Variants in PARP12 observed in about 807,000 individuals in gnomAD.
PARP12 encodes poly(ADP-ribose) polymerase family member 12, also known as protein mono-ADP-ribosyltransferase PARP12.
In PARP12, 59 loss-of-function variants were observed where a neutral mutation model predicts 72.4. That is an observed-to-expected ratio of 0.81 (90% confidence interval 0.66 to 1.01). The LOEUF is 1.01. PARP12 is among the 50% of genes least tolerant of loss of function. The pLI is 0.00. For synonymous variants in PARP12, 403 were observed against 371.4 expected (o/e 1.09, Z -0.98); for missense variants, 851 against 914.0 (o/e 0.93, Z 0.89).
intron 5 of PARP12, among the ~76,000 whole-genome samples, chr7:140,042,690 A>C (rs549629863): frequency 4.6e-5 from 7 of 152,362 alleles, no homozygotes; most frequent in Admixed American, 4.6e-4. Context: ...TTGCAAAGAC[A>C]TCTGGCAAGG....
chr7:140,035,842 G>GGAGGAGGGGGAA (rs1816128232), intron 7 of PARP12, among the ~76,000 whole-genome samples: 1 of 86,986 alleles, frequency 1.1e-5, no homozygotes, highest in African/African-American at 6.7e-5. Flanking sequence ...AAAAGAAGGA[G>GGAGGAGGGGGAA]GAGGAAGAGG....
chr7:140,062,482 A>G (rs6945590), intron 1 of PARP12, 40 bp downstream of exon 1: 1,135,122 of 1,501,206 alleles, frequency 0.76, 434,310 homozygotes, highest in Middle Eastern at 0.8. Flanking sequence ...GAGGGCGCGC[A>G]GGACCTCCGC....
chr7:140,034,477 A>C, intron 7 of PARP12, 146 bp from the exon 8 acceptor site: 1 of 579,710 alleles, frequency 1.7e-6, no homozygotes, highest in East Asian at 3.5e-5. Flanking sequence ...AAATAGGGCC[A>C]TTTTACACAT....
chr7:140,046,407 T>C (rs1816724446), intron 5 of PARP12, among the ~76,000 whole-genome samples: 1 of 152,110 alleles, frequency 6.6e-6, no homozygotes, highest in South Asian at 2.1e-4. Flanking sequence ...AGGACATGCT[T>C]GGGGAAAAAA....
chr7:140,056,920 G>A lies in PARP12; in HGVS notation c.696C>T (p.Asp232=), dbSNP rs1817207092. The change falls in exon 3 of 12, where the codon GAC becomes GAT. Residue 232 remains aspartate (D), a synonymous_variant. Coordinates refer to ENST00000263549, the MANE Select transcript of PARP12 (RefSeq NM_022750.4). ...TGGGGGCAGAGCTCTTATTCTTGAT[G>A]TCATGTGCATTTCTATAAATGGTAG... ...RLPTIYRNAH[D]IKNKSSAPSR... is the part of the protein sequence containing the mutation. 1.9e-6 allele frequency: 3 copies of A among 1,613,850 alleles called. No individual in the cohort carries two copies. Among genetic ancestry groups the A allele is most frequent in the East Asian group, 2.2e-5 (1 of 44,876 alleles).
intron 11 of PARP12, 135 bp downstream of exon 11, chr7:140,026,062 G>T: frequency 1.5e-6 from 2 of 1,307,574 alleles, no homozygotes; most frequent in Non-Finnish European, 2.1e-6. Context: ...TGGTAGCTGT[G>T]CCCAGGTACC....
chr7:140,037,192 C>T (rs1279685692), intron 7 of PARP12, among the ~76,000 whole-genome samples: 1 of 152,196 alleles, frequency 6.6e-6, no homozygotes. Context: ...GGTGTGACGG[C>T]TCATGACTGT....
intron 7 of PARP12, among the ~76,000 whole-genome samples, chr7:140,037,340 C>T (rs928116145): frequency 9.2e-5 from 14 of 152,242 alleles, no homozygotes; most frequent in African/African-American, 3.1e-4. Flanking sequence ...AAGATGACAG[C>T]AGCACTGCTG....
chr7:140,062,864 C>T lies in PARP12; in HGVS notation c.-17G>A. 1 of 1,271,932 alleles carries T rather than the reference C, an allele frequency of 7.9e-7. No homozygotes were observed. Among genetic ancestry groups the T allele is most frequent in the African/African-American group, 1.6e-5 (1 of 63,852 alleles). 78.8% of individuals were successfully genotyped at this position (1,271,932 alleles called of 1,614,324 possible). A position where few individuals can be genotyped will look rare whatever the true frequency, so the allele number is the denominator to read the frequency against. On this transcript the variant is annotated 5_prime_UTR_variant, in exon 1 of 12. Transcript: ENST00000263549. ...CTGGGCCATGGCCGCTGGGCCTGCTCCCGTCGGACCGCGGGTGGCGCGACG... is the reference window on the plus strand; with the variant it reads ...CTGGGCCATGGCCGCTGGGCCTGCTTCCGTCGGACCGCGGGTGGCGCGACG...
At chr7:140,047,156 G>C in intron 4 of PARP12, 149 bp from the exon 5 acceptor site, 1 of 810,776 alleles carries the variant, frequency 1.2e-6, no homozygotes, top group Non-Finnish European at 1.8e-6. Flanking sequence ...CGGCATGCCT[G>C]AGCATTTAGA....
chr7:140,057,471 A>C (rs1387879645), intron 2 of PARP12: 1 of 418,796 alleles, frequency 2.4e-6, no homozygotes, highest in Admixed American at 4.2e-5. Context: ...GGACCTCTAC[A>C]ATCTACCTAT....
chr7:140,025,352 C>T (rs1325124393), intron 11 of PARP12: 1 of 293,992 alleles, frequency 3.4e-6, no homozygotes, highest in Non-Finnish European at 6.8e-6. Context: ...GAGTTAGAAG[C>T]TGTCACCTGT....
chr7:140,034,391 G>A (rs867549547), intron 7 of PARP12, 60 bp from the exon 8 acceptor site: 3 of 1,361,372 alleles, frequency 2.2e-6, no homozygotes, highest in Non-Finnish European at 1.0e-6. Flanking sequence ...ACACAGGATG[G>A]CAATGTTTTA....
chr7:140,062,650 C>T lies in PARP12; in HGVS notation c.198G>A (p.Val66=). The T allele has an allele frequency of 7.2e-7, 1 of 1,383,920 alleles. No individual in the cohort carries two copies. 85.7% of individuals were successfully genotyped at this position (1,383,920 alleles called of 1,614,324 possible). A position where few individuals can be genotyped will look rare whatever the true frequency, so the allele number is the denominator to read the frequency against. The change falls in exon 1 of 12, where the codon GTG becomes GTA. Residue 66 remains valine, a synonymous_variant. Transcript: ENST00000263549. ...GGAAAAPERV[V]LAASPLRLCR... ...ACAGGCGCAGCGGCGAGGCGGCCAG[C>T]ACCACGCGCTCCGGGGCCGCGGCTG...
intron 6 of PARP12, among the ~76,000 whole-genome samples, chr7:140,041,141 G>A (rs1816451599): frequency 1.3e-5 from 2 of 152,210 alleles, no homozygotes; most frequent in South Asian, 4.1e-4. Context: ...GCGAAGAATT[G>A]ACAGCAACTA....
At position 140,041,811 on chromosome 7, in the gene PARP12, AG is replaced by A; in HGVS notation, c.1014del (p.His340ThrfsTer5). The A allele has an allele frequency of 1.9e-6, 3 of 1,614,062 alleles. No homozygotes were observed. The highest frequency in any genetic ancestry group is 2.5e-6 in the Non-Finnish European group (3 of 1,179,960). Reference protein sequence around the residue: ...ERILCSESASTFHSHCLNFNA... With the variant: ...ERILCSESASXFHSHCLNFNA... Reference sequence around the variant, plus strand: ...TTAAAGTTCAGACAATGAGAGTGAAAGGTACTGGCTGACTCAGAGCACAGGA... The same window carrying A: ...TTAAAGTTCAGACAATGAGAGTGAAAGTACTGGCTGACTCAGAGCACAGGA... On this transcript the variant is annotated frameshift_variant, in exon 6 of 12. Coordinates refer to ENST00000263549, the MANE Select transcript of PARP12 (RefSeq NM_022750.4). LOFTEE classifies it high-confidence loss of function.
At chr7:140,051,877 A>G (rs544214963) in intron 4 of PARP12, among the ~76,000 whole-genome samples, 34 of 152,318 alleles carry the variant, frequency 2.2e-4, no homozygotes, top group African/African-American at 8.2e-4. Flanking sequence ...TTTTTTTGCT[A>G]AAGTTTTGGC....
In PARP12 at chr7:140,037,719, G is replaced by A; in HGVS notation, c.1320C>T (p.Phe440=). 1 of 1,614,128 alleles carries A rather than the reference G, an allele frequency of 6.2e-7. No homozygotes were observed. The highest frequency in any genetic ancestry group is 1.1e-5 in the South Asian group (1 of 91,080). The part of the protein sequence containing the change: ...QAGKHNYELD[F]KAFVQKNLVY... ...CGAGGGCAGGGCACAGGATACCTTT[G>A]AAATCTAACTCGTAGTTGTGCTTTC... The change falls in exon 7 of 12, where the codon TTC becomes TTT. Residue 440 remains phenylalanine (F), a synonymous_variant. Coordinates refer to ENST00000263549, the MANE Select transcript of PARP12 (RefSeq NM_022750.4).
intron 8 of PARP12, chr7:140,033,118 C>G (rs979017783): frequency 3.3e-6 from 3 of 915,804 alleles, no homozygotes; most frequent in Non-Finnish European, 3.9e-6. Context: ...GTCTCGAACT[C>G]CTGGGCTCAA....
Sources: gnomAD v4.1 joint callset for allele counts (sites outside exome capture counted in the v4.1 genomes callset) on GRCh38, gnomAD v4.1.1 for gene constraint, MANE v1.5 for transcripts, NCBI Gene and HGNC (gene_info 2026-07-23, HGNC 2026-07-21) for gene names.